Variants in PHF20 observed in about 807,000 individuals in gnomAD.
PHF20 encodes glioma-expressed antigen 2.
In PHF20, 23 loss-of-function variants were observed where a neutral mutation model predicts 113.5. The ratio of observed to expected loss-of-function variants is 0.20; its 90% CI spans 0.15 to 0.29. The LOEUF (loss-of-function observed/expected upper bound fraction) is 0.29. PHF20 is among the 10% of genes least tolerant of loss of function. The pLI is 1.00. For missense variants in PHF20, 943 were observed against 1,219.6 expected, an observed-to-expected ratio of 0.77 and a Z score of 3.38; for synonymous variants, 434 against 457.3, an observed-to-expected ratio of 0.95 and a Z score of 0.65.
rs372537739 is a variant in PHF20 at position 35,871,194 on chromosome 20, T to C, written c.1102+60T>C. 124 of 1,316,642 alleles carry C rather than the reference T, an allele frequency of 9.4e-5. 1 individual carries two copies. The South Asian group carries it at 1.5e-3, about 16-fold the overall frequency. 81.6% of individuals were successfully genotyped at this position (1,316,642 alleles called of 1,614,324 possible). On this transcript the variant is annotated intron_variant, in intron 8 of 17. Coordinates refer to ENST00000374012, the MANE Select transcript of PHF20 (RefSeq NM_016436.5). ...CTGGTTCCTATTTAGTGAGAATCAA[T>C]GTAAATCATTATGTTCTGCCTTCCA...
At chr20:35,934,757 G>T (rs2055833101) in intron 15 of PHF20, among the ~76,000 whole-genome samples, 1 of 152,182 alleles carries the variant, frequency 6.6e-6, no homozygotes, top group African/African-American at 2.4e-5. Flanking sequence ...AAAAGGAGGA[G>T]AGGTTGGATG....
intron 15 of PHF20, among the ~76,000 whole-genome samples, chr20:35,937,996 C>T (rs1306908501): frequency 6.6e-6 from 1 of 152,086 alleles, no homozygotes; most frequent in Non-Finnish European, 1.5e-5. Flanking sequence ...CTCAGCCTCC[C>T]AAGTAGCTGG....
Position 35,938,991 on chromosome 20 carries a change from C to T in PHF20, c.2595C>T (p.Asp865=), listed in dbSNP as rs62211758. ...LVVETRGSAL[D]DAVNPLHENG... is the part of the protein sequence containing the mutation. ...TGGAGACGAGGGGCTCTGCCCTCGACGATGCGGTCAACCCCCTCCATGAGA... is the reference window on the plus strand; with the variant it reads ...TGGAGACGAGGGGCTCTGCCCTCGATGATGCGGTCAACCCCCTCCATGAGA... Residue 865 remains aspartate (D), a synonymous_variant, in exon 16 of 18, where the codon GAC becomes GAT. Coordinates refer to ENST00000374012, the MANE Select transcript of PHF20 (RefSeq NM_016436.5). 4.4e-4 allele frequency: 712 copies of T among 1,614,164 alleles called. No individual in the cohort carries two copies. The highest frequency in any genetic ancestry group is 1.5e-3 in the Middle Eastern group (9 of 6,062).
At chr20:35,938,483 C>G in intron 15 of PHF20, 2 of 533,596 alleles carry the variant, frequency 3.7e-6, no homozygotes, top group South Asian at 5.9e-5. Context: ...GAGTCCAGTC[C>G]CACTCACTGT....
intron 1 of PHF20, among the ~76,000 whole-genome samples, chr20:35,784,779 G>C (rs1208115465): frequency 6.6e-6 from 1 of 152,036 alleles, no homozygotes; most frequent in Non-Finnish European, 1.5e-5. Flanking sequence ...GGCCGGGTGC[G>C]GTGGCTCACA....
intron 10 of PHF20, 118 bp downstream of exon 10, chr20:35,899,766 G>T: frequency 9.4e-7 from 1 of 1,059,774 alleles, no homozygotes. Flanking sequence ...AATCCCACAG[G>T]ACTGAACATA....
intron 2 of PHF20, among the ~76,000 whole-genome samples, chr20:35,836,471 C>T (rs2042441709): frequency 6.6e-6 from 1 of 152,094 alleles, no homozygotes; most frequent in Admixed American, 6.6e-5. Flanking sequence ...ACATAATATG[C>T]CATTTTGTGG....
chr20:35,798,999 C>T (rs191244892), intron 1 of PHF20, among the ~76,000 whole-genome samples: 35 of 152,202 alleles, frequency 2.3e-4, no homozygotes, highest in Non-Finnish European at 3.5e-4. Flanking sequence ...ATATTGCAAG[C>T]AAATTCTTCA....
chr20:35,865,969 G>T (rs970424042), intron 6 of PHF20, among the ~76,000 whole-genome samples: 2 of 152,042 alleles, frequency 1.3e-5, no homozygotes, highest in Non-Finnish European at 2.9e-5. Context: ...AGCATTCTGG[G>T]AGACCAACAT....
intron 9 of PHF20, among the ~76,000 whole-genome samples, chr20:35,894,892 G>T (rs951637004): frequency 6.6e-6 from 1 of 152,164 alleles, no homozygotes; most frequent in African/African-American, 2.4e-5. Flanking sequence ...TCTCACTCTT[G>T]TCACCCAGGC....
At chr20:35,830,754 G>A (rs553003996) in intron 2 of PHF20, among the ~76,000 whole-genome samples, 1 of 151,308 alleles carries the variant, frequency 6.6e-6, no homozygotes, top group South Asian at 2.1e-4. Flanking sequence ...TAAGTTCTGG[G>A]GTACATGTGC....
intron 1 of PHF20, among the ~76,000 whole-genome samples, chr20:35,796,263 A>G (rs1185442682): frequency 1.3e-5 from 2 of 151,432 alleles, no homozygotes; most frequent in Non-Finnish European, 3.0e-5. Flanking sequence ...AGCATTCTTT[A>G]TTTAATTTAT....
At chr20:35,808,414 A>G (rs1024934096) in intron 2 of PHF20, among the ~76,000 whole-genome samples, 1 of 151,712 alleles carries the variant, frequency 6.6e-6, no homozygotes, top group Non-Finnish European at 1.5e-5. Flanking sequence ...TCATAGGATC[A>G]TAGTAGATGT....
intron 1 of PHF20, among the ~76,000 whole-genome samples, chr20:35,793,995 C>CAAAA (rs56189104): frequency 8.9e-5 from 3 of 33,836 alleles, no homozygotes; most frequent in Admixed American, 3.4e-4. Context: ...GACTCTGTCT[C>CAAAA]AAAAAAAAAA....
At chr20:35,854,858 A>G (rs1378026569) in intron 4 of PHF20, among the ~76,000 whole-genome samples, 1 of 152,084 alleles carries the variant, frequency 6.6e-6, no homozygotes, top group Non-Finnish European at 1.5e-5. Context: ...TAATCATGGA[A>G]CTCAGGTTCC....
At chr20:35,803,520 T>TC (rs2082254188) in intron 2 of PHF20, among the ~76,000 whole-genome samples, 1 of 151,478 alleles carries the variant, frequency 6.6e-6, no homozygotes, top group African/African-American at 2.4e-5. Flanking sequence ...AGACAGGGTT[T>TC]CACCATGTTG....
chr20:35,851,589 G>A (rs1003127843), intron 4 of PHF20, among the ~76,000 whole-genome samples: 4 of 144,080 alleles, frequency 2.8e-5, no homozygotes, highest in East Asian at 2.2e-4. Context: ...CCCCCACCCC[G>A]CCCCTTTTTT....
At chr20:35,895,995 C>A (rs776383022) in intron 9 of PHF20, among the ~76,000 whole-genome samples, 6 of 151,950 alleles carry the variant, frequency 3.9e-5, no homozygotes, top group Non-Finnish European at 7.4e-5. Flanking sequence ...CCAACTTTTT[C>A]TTCTCTTACC....
chr20:35,795,815 T>C (rs1198197754), intron 1 of PHF20, among the ~76,000 whole-genome samples: 1 of 152,170 alleles, frequency 6.6e-6, no homozygotes, highest in Admixed American at 6.6e-5. Flanking sequence ...CTGTGATTTT[T>C]GTAAGGATTA....
Sources: allele counts gnomAD v4.1 joint callset (sites outside exome capture counted in the v4.1 genomes callset), GRCh38; gene constraint gnomAD v4.1.1; transcripts MANE v1.5; gene names NCBI Gene and HGNC (gene_info 2026-07-23, HGNC 2026-07-21).